TBC1D32: variants seen among roughly 807,000 people sequenced by gnomAD.
TBC1D32 encodes the protein protein broad-minded.
In TBC1D32, 151 loss-of-function variants were observed where a neutral mutation model predicts 170.3. The observed-to-expected ratio is 0.89, with a 90% CI of 0.78 to 1.01. TBC1D32 has a LOEUF of 1.01. TBC1D32 is among the 50% of genes least tolerant of loss of function. The pLI is 0.00. For synonymous variants in TBC1D32, 498 were observed against 488.0 expected (o/e 1.02, Z -0.27); for missense variants, 1,464 against 1,457.1 (o/e 1.00, Z -0.08).
chr6:121,255,236 C>T, intron 17 of TBC1D32, 92 bp downstream of exon 17: 1 of 712,796 alleles, frequency 1.4e-6, no homozygotes, highest in Non-Finnish European at 2.1e-6. Flanking sequence ...TCCTGTAAAA[C>T]ATTTTTGCCA....
At position 121,108,224 on chromosome 6, in the gene TBC1D32, T is replaced by C. The variant is rs145136777; in HGVS notation, c.3325-2061A>G. On this transcript the variant is annotated intron_variant, in intron 29 of 31. Coordinates refer to ENST00000398212, the MANE Select transcript of TBC1D32 (RefSeq NM_152730.6). ...TCTATTTTACAGTAAACATTGTTCA[T>C]AAAACTAGATCAATAGTGAGAGCTC... 8.5e-5 allele frequency among the ~76,000 whole-genome samples: 13 copies of C among 152,252 alleles called. No individual in the cohort carries two copies. In the East Asian group the frequency reaches 2.5e-3, roughly 29 times the overall value.
rs1190758975 is a variant in TBC1D32 at position 121,079,763 on chromosome 6, T to C, written c.*1008A>G. Reference sequence around the variant, plus strand: ...AGCCATTTAAAATAATTTAGAAATGTATTCTCCTTTATATTTTCAAGTTCA... The same window carrying C: ...AGCCATTTAAAATAATTTAGAAATGCATTCTCCTTTATATTTTCAAGTTCA... On this transcript the variant is annotated 3_prime_UTR_variant, in exon 32 of 32. Coordinates refer to ENST00000398212, the MANE Select transcript of TBC1D32 (RefSeq NM_152730.6). The C allele has an allele frequency of 6.6e-6, 1 of 152,296 alleles. No homozygotes were observed. 9.4% of individuals were successfully genotyped at this position (152,296 alleles called of 1,614,324 possible). A position where few individuals can be genotyped will look rare whatever the true frequency, so the allele number is the denominator to read the frequency against.
intron 21 of TBC1D32, among the ~76,000 whole-genome samples, chr6:121,219,074 G>A (rs1211373406): frequency 1.3e-5 from 2 of 152,118 alleles, no homozygotes; most frequent in Non-Finnish European, 1.5e-5. Context: ...CATATTTATT[G>A]GGTTTTGGCA....
At chr6:121,259,739 T>C (rs1252652261) in intron 15 of TBC1D32, among the ~76,000 whole-genome samples, 3 of 152,182 alleles carry the variant, frequency 2.0e-5, no homozygotes, top group Non-Finnish European at 2.9e-5. Context: ...ATTCATTTTA[T>C]AGAACCTCTC....
chr6:121,192,066 T>TTATATA (rs1554263739), intron 22 of TBC1D32, among the ~76,000 whole-genome samples: 4 of 122,408 alleles, frequency 3.3e-5, no homozygotes, highest in Admixed American at 9.7e-5. Flanking sequence ...AAACTACCCT[T>TTATATA]TATATATATA....
intron 30 of TBC1D32, among the ~76,000 whole-genome samples, chr6:121,103,641 A>G (rs1314791216): frequency 2.0e-5 from 3 of 151,458 alleles, no homozygotes; most frequent in Non-Finnish European, 4.4e-5. Flanking sequence ...GTAAATGACG[A>G]GTTAATGGGT....
At chr6:121,091,525 A>G (rs1197114987) in intron 30 of TBC1D32, among the ~76,000 whole-genome samples, 9 of 152,234 alleles carry the variant, frequency 5.9e-5, no homozygotes, top group Non-Finnish European at 1.2e-4. Flanking sequence ...ACGGAATTAC[A>G]TAACATAAAA....
At chr6:121,278,869 G>C (rs987119070) in intron 15 of TBC1D32, among the ~76,000 whole-genome samples, 9 of 151,452 alleles carry the variant, frequency 5.9e-5, no homozygotes, top group African/African-American at 1.5e-4. Flanking sequence ...ACTTTGGTTT[G>C]ACTTAATCAT....
At chr6:121,239,411 TGA>T (rs1049256866) in intron 19 of TBC1D32, among the ~76,000 whole-genome samples, 1 of 152,170 alleles carries the variant, frequency 6.6e-6, no homozygotes, top group South Asian at 2.1e-4. Flanking sequence ...AACTAAATTC[TGA>T]GAGACAATTT....
chr6:121,304,265 G>A, intron 8 of TBC1D32, 100 bp downstream of exon 8: 1 of 1,023,664 alleles, frequency 9.8e-7, no homozygotes, highest in Non-Finnish European at 1.4e-6. Context: ...TCCCAATCAG[G>A]TAAGTCCATT....
chr6:121,082,813 A>G (rs1775776355), intron 31 of TBC1D32, among the ~76,000 whole-genome samples: 1 of 151,972 alleles, frequency 6.6e-6, no homozygotes, highest in South Asian at 2.1e-4. Context: ...TTAATTGTAA[A>G]TGCCCTGATA....
In TBC1D32 at chr6:121,107,419, G is replaced by C. The variant is rs568737871; in HGVS notation, c.3325-1256C>G. On this transcript the variant is annotated intron_variant, in intron 29 of 31. Transcript: ENST00000398212. ...ATTTATGTAAATGTATATTTATGAA[G>C]GTTTCTCCAGGAGATACCTCACAGC... Among the ~76,000 whole-genome samples, 36 of 151,700 alleles carry C rather than the reference G, an allele frequency of 2.4e-4. 2 individuals carry two copies. Among genetic ancestry groups the C allele is most frequent in the African/African-American group, 8.7e-4 (36 of 41,458 alleles).
chr6:121,131,835 G>A, intron 24 of TBC1D32, 83 bp from the exon 25 acceptor site: 2 of 1,091,690 alleles, frequency 1.8e-6, no homozygotes, highest in Non-Finnish European at 2.5e-6. Context: ...GTAAACAGTT[G>A]AAAATTCCAT....
At chr6:121,313,433 G>T (rs1000395317) in intron 3 of TBC1D32, among the ~76,000 whole-genome samples, 1 of 151,670 alleles carries the variant, frequency 6.6e-6, no homozygotes, top group South Asian at 2.1e-4. Context: ...ACAGGCACGC[G>T]CCACTATACC....
At chr6:121,289,033 C>T (rs1804369713) in intron 12 of TBC1D32, among the ~76,000 whole-genome samples, 1 of 152,072 alleles carries the variant, frequency 6.6e-6, no homozygotes, top group African/African-American at 2.4e-5. Context: ...TATGACAAAC[C>T]TACAGCCAAT....
intron 21 of TBC1D32, among the ~76,000 whole-genome samples, chr6:121,214,493 G>C (rs985701535): frequency 2.6e-5 from 4 of 152,204 alleles, no homozygotes; most frequent in African/African-American, 9.6e-5. Context: ...CTGCAGCAGG[G>C]TGGGCAGCTG....
At chr6:121,084,533 T>C (rs1775989313) in intron 31 of TBC1D32, among the ~76,000 whole-genome samples, 1 of 152,124 alleles carries the variant, frequency 6.6e-6, no homozygotes, top group Admixed American at 6.6e-5. Context: ...CTCAACCCCT[T>C]GCCAGGAATA....
At chr6:121,276,681 G>A (rs1024887662) in intron 15 of TBC1D32, among the ~76,000 whole-genome samples, 1 of 152,050 alleles carries the variant, frequency 6.6e-6, no homozygotes, top group African/African-American at 2.4e-5. Context: ...ACATAAAGAC[G>A]AAGATAAATT....
chr6:121,097,020 T>C (rs1777494261), intron 30 of TBC1D32, among the ~76,000 whole-genome samples: 1 of 152,102 alleles, frequency 6.6e-6, no homozygotes, highest in Non-Finnish European at 1.5e-5. Context: ...CTGGACCCCT[T>C]CCTTATACTT....
Sources: allele counts gnomAD v4.1 joint callset (sites outside exome capture counted in the v4.1 genomes callset), GRCh38; gene constraint gnomAD v4.1.1; transcripts MANE v1.5; gene names NCBI Gene and HGNC (gene_info 2026-07-23, HGNC 2026-07-21).